NFAM1: variants seen among roughly 807,000 people sequenced by gnomAD.
The protein encoded by NFAM1 is NFAT activation molecule 1.
In NFAM1, 17 loss-of-function variants were observed where a neutral mutation model predicts 29.0. The observed-to-expected ratio is 0.59, with a 90% CI of 0.40 to 0.88. The LOEUF (loss-of-function observed/expected upper bound fraction) is 0.88. NFAM1 is among the 40% of genes least tolerant of loss of function. The pLI, the probability that NFAM1 is intolerant of heterozygous loss-of-function variation, is 0.00. For missense variants in NFAM1, 324 were observed against 344.6 expected (o/e 0.94, Z 0.47); for synonymous variants, 175 against 147.2 (o/e 1.19, Z -1.36).
intron 3 of NFAM1, among the ~76,000 whole-genome samples, chr22:42,399,195 C>T (rs12484417): frequency 0.13 from 20,379 of 151,862 alleles, 1,703 homozygotes; most frequent in East Asian, 0.31. Context: ...AATCCCAGCA[C>T]TTTGGGACTC....
intron 1 of NFAM1, among the ~76,000 whole-genome samples, chr22:42,431,708 T>C (rs1930801827): frequency 6.6e-6 from 1 of 151,900 alleles, no homozygotes; most frequent in Non-Finnish European, 1.5e-5. Flanking sequence ...AACTGGGAGG[T>C]GAGACCCTTT....
intron 1 of NFAM1, among the ~76,000 whole-genome samples, chr22:42,418,570 A>C (rs1023329456): frequency 6.6e-6 from 1 of 152,160 alleles, no homozygotes; most frequent in African/African-American, 2.4e-5. Context: ...GCACAAGCCT[A>C]TAGTCTCAGA....
intron 1 of NFAM1, among the ~76,000 whole-genome samples, chr22:42,413,577 A>C (rs890052881): frequency 6.6e-6 from 1 of 151,902 alleles, no homozygotes; most frequent in Non-Finnish European, 1.5e-5. Context: ...GGAGTTCGAG[A>C]CCAGCCTGGC....
At chr22:42,395,173 C>CAAA (rs57832859) in intron 4 of NFAM1, among the ~76,000 whole-genome samples, 3 of 135,778 alleles carry the variant, frequency 2.2e-5, no homozygotes, top group African/African-American at 8.0e-5. Flanking sequence ...GACCCTGTCT[C>CAAA]AAAAAAAAAA....
intron 4 of NFAM1, among the ~76,000 whole-genome samples, chr22:42,387,356 G>A (rs1212881024): frequency 2.0e-5 from 3 of 152,070 alleles, no homozygotes; most frequent in Non-Finnish European, 4.4e-5. Context: ...TTCTATCCAG[G>A]CTTCCACCTG....
chr22:42,396,870 G>C (rs1306473794), intron 4 of NFAM1, among the ~76,000 whole-genome samples: 1 of 152,276 alleles, frequency 6.6e-6, no homozygotes, highest in Non-Finnish European at 1.5e-5. Flanking sequence ...TCAATGTTGT[G>C]GGAACAGAAA....
At chr22:42,421,409 C>CGCAA (rs1290609148) in intron 1 of NFAM1, among the ~76,000 whole-genome samples, 2 of 146,952 alleles carry the variant, frequency 1.4e-5, no homozygotes, top group African/African-American at 5.1e-5. Flanking sequence ...CGCATCATTG[C>CGCAA]ACTCCAGCCT....
At chr22:42,392,474 G>A (rs28360627) in intron 4 of NFAM1, among the ~76,000 whole-genome samples, 25,796 of 151,938 alleles carry the variant, frequency 0.17, 2,329 homozygotes, top group African/African-American at 0.23. Context: ...AGAAAGGAGA[G>A]GGAGAGGGGC....
upstream of NFAM1, among the ~76,000 whole-genome samples, chr22:42,434,484 G>A (rs968670139): frequency 3.3e-5 from 5 of 152,184 alleles, no homozygotes; most frequent in African/African-American, 9.7e-5. Flanking sequence ...TTTCTGAGAC[G>A]CTCTGCAGCC....
chr22:42,391,359 G>C (rs1929335373), intron 4 of NFAM1, among the ~76,000 whole-genome samples: 1 of 151,478 alleles, frequency 6.6e-6, no homozygotes, highest in African/African-American at 2.4e-5. Context: ...TCTTGGGGGT[G>C]GGGGTAGGGG....
At chr22:42,433,682 C>T (rs1184055931), upstream of NFAM1, among the ~76,000 whole-genome samples, 4 of 152,148 alleles carry the variant, frequency 2.6e-5, no homozygotes, top group African/African-American at 4.8e-5. Flanking sequence ...GAGCAGGGGC[C>T]GCCCACCAGG....
At chr22:42,434,483 C>T (rs551414105), upstream of NFAM1, among the ~76,000 whole-genome samples, 6 of 152,306 alleles carry the variant, frequency 3.9e-5, no homozygotes, top group African/African-American at 9.6e-5. Context: ...GTTTCTGAGA[C>T]GCTCTGCAGC....
In NFAM1 at chr22:42,380,461, CAT is replaced by C. The variant is rs1328528722; in HGVS notation, c.*4698_*4699del. ...CTGTAACATATGCTTCTGTCACCCA[CAT>C]ATGTCACCTCCAGACACACACAAAA... On this transcript the variant is annotated 3_prime_UTR_variant, in exon 6 of 6. Coordinates refer to ENST00000329021, the MANE Select transcript of NFAM1 (RefSeq NM_145912.8). 4.6e-5 allele frequency: 7 copies of C among 152,394 alleles called. No homozygotes were observed. The highest frequency in any genetic ancestry group is 1.2e-4 in the African/African-American group (5 of 41,458). 9.4% of individuals were successfully genotyped at this position (152,394 alleles called of 1,614,324 possible).
At chr22:42,401,600 T>G (rs1016713449) in intron 3 of NFAM1, among the ~76,000 whole-genome samples, 5 of 151,852 alleles carry the variant, frequency 3.3e-5, no homozygotes, top group African/African-American at 1.2e-4. Flanking sequence ...ATTATGGGGG[T>G]GGGGCTGCTT....
chr22:42,390,055 C>T (rs1462084935), intron 4 of NFAM1, among the ~76,000 whole-genome samples: 8 of 152,030 alleles, frequency 5.3e-5, no homozygotes, highest in Non-Finnish European at 1.0e-4. Flanking sequence ...AAGGTCCCTC[C>T]GGCAGCAGCT....
intron 1 of NFAM1, among the ~76,000 whole-genome samples, chr22:42,429,337 C>T (rs758901371): frequency 2.0e-5 from 3 of 152,142 alleles, no homozygotes; most frequent in East Asian, 1.9e-4. Context: ...CAAACTGGGC[C>T]GGGTGCGGTG....
intron 3 of NFAM1, among the ~76,000 whole-genome samples, chr22:42,406,216 C>A (rs545459304): frequency 2.2e-5 from 3 of 135,418 alleles, no homozygotes; most frequent in East Asian, 2.4e-4. Flanking sequence ...ACCACTTGCG[C>A]GAGTCCCTTT....
At chr22:42,407,407 C>T (rs1004763165) in intron 3 of NFAM1, among the ~76,000 whole-genome samples, 3 of 151,872 alleles carry the variant, frequency 2.0e-5, no homozygotes, top group South Asian at 2.1e-4. Context: ...TTGAGACTGT[C>T]GCCCAGGCTG....
intron 1 of NFAM1, among the ~76,000 whole-genome samples, chr22:42,429,341 T>G (rs1206334205): frequency 2.0e-5 from 3 of 152,118 alleles, no homozygotes; most frequent in African/African-American, 7.2e-5. Flanking sequence ...CTGGGCCGGG[T>G]GCGGTGGCTC....
Sources: gnomAD v4.1 joint callset for allele counts (sites outside exome capture counted in the v4.1 genomes callset) on GRCh38, gnomAD v4.1.1 for gene constraint, MANE v1.5 for transcripts, NCBI Gene and HGNC (gene_info 2026-07-23, HGNC 2026-07-21) for gene names.